NDUFAF7: variants seen among roughly 807,000 people sequenced by gnomAD.
NDUFAF7 encodes NADH:ubiquinone oxidoreductase complex assembly factor 7, also known as protein arginine methyltransferase NDUFAF7, mitochondrial.
A neutral mutation model predicts 47.2 loss-of-function variants in NDUFAF7; 48 were observed. The ratio of observed to expected loss-of-function variants is 1.02; its 90% CI spans 0.81 to 1.29. NDUFAF7 has a LOEUF of 1.29. Ranked by LOEUF, NDUFAF7 falls within the 50% of genes most tolerant of loss-of-function variation. The pLI is 0.00. For missense variants in NDUFAF7, 635 were observed against 537.6 expected (o/e 1.18, Z -1.79); for synonymous variants, 217 against 190.0 (o/e 1.14, Z -1.17).
chr2:37,262,623 AAC>A, the NDUFAF7 span, among the ~76,000 whole-genome samples: 1 of 152,204 alleles, frequency 6.6e-6, no homozygotes, highest in Non-Finnish European at 1.5e-5. Flanking sequence ...AACTTTTATC[AAC>A]AGAGGTTGAA....
At chr2:37,243,279 T>C (rs1017374809) in intron 6 of NDUFAF7, among the ~76,000 whole-genome samples, 2 of 152,116 alleles carry the variant, frequency 1.3e-5, no homozygotes, top group African/African-American at 4.8e-5. Flanking sequence ...GACAAAACCC[T>C]GTGTCTACTA....
At chr2:37,250,572 T>C (rs939713470), downstream of NDUFAF7, 3 of 152,172 alleles carry the variant, frequency 2.0e-5, no homozygotes, top group Admixed American at 1.3e-4. Flanking sequence ...TGTTTTTAAA[T>C]ATAGCATTAG....
At chr2:37,249,643 G>GACACACACACACAC (rs56208997), downstream of NDUFAF7, among the ~76,000 whole-genome samples, 5,298 of 132,478 alleles carry the variant, frequency 0.04, 161 homozygotes, top group East Asian at 0.078. Flanking sequence ...CTGTGATAGA[G>GACACACACACACAC]ACACACACAC....
chr2:37,259,523 T>C, the NDUFAF7 span: 1 of 1,336,886 alleles, frequency 7.5e-7, no homozygotes, highest in Non-Finnish European at 1.1e-6. Context: ...TGCCTTTTAT[T>C]ATGTGGGTGC....
At chr2:37,234,384 G>T (rs1354488073) in intron 2 of NDUFAF7, among the ~76,000 whole-genome samples, 4 of 152,038 alleles carry the variant, frequency 2.6e-5, no homozygotes, top group African/African-American at 7.3e-5. Flanking sequence ...GAGCCACTGT[G>T]CGCGGCCTAA....
chr2:37,232,019 C>A, intron 1 of NDUFAF7, 87 bp from the exon 2 acceptor site: 1 of 1,608,980 alleles, frequency 6.2e-7, no homozygotes, highest in Admixed American at 1.7e-5. Context: ...TAAGGGTTCA[C>A]GAAGCTGTTT....
At chr2:37,235,232 G>C (rs748042029) in intron 2 of NDUFAF7, among the ~76,000 whole-genome samples, 15 of 152,096 alleles carry the variant, frequency 9.9e-5, no homozygotes, top group Non-Finnish European at 1.8e-4. Flanking sequence ...GCAGTGGCAT[G>C]GATGTCTGGA....
In NDUFAF7 at chr2:37,248,583, T is replaced by C; in HGVS notation, c.*233T>C. ...ATTGTGAAACTGAGTTTCCTTTAAC[T>C]TACAAAGCTAGTTGCCATATTTCTA... On this transcript the variant is annotated 3_prime_UTR_variant, in exon 10 of 10. Coordinates refer to ENST00000002125, the MANE Select transcript of NDUFAF7 (RefSeq NM_144736.5). The C allele has an allele frequency of 2.2e-5, 12 of 539,514 alleles. No individual in the cohort carries two copies. In the South Asian group the frequency reaches 2.5e-4, roughly 11 times the overall value. 33.4% of individuals were successfully genotyped at this position (539,514 alleles called of 1,614,324 possible).
intron 7 of NDUFAF7, among the ~76,000 whole-genome samples, chr2:37,245,186 TA>T (rs1332450457): frequency 6.6e-6 from 1 of 152,230 alleles, no homozygotes; most frequent in Non-Finnish European, 1.5e-5. Context: ...TGTCTACCAG[TA>T]AGCATAGGAA....
chr2:37,256,177 T>C (rs994958248), downstream of NDUFAF7, among the ~76,000 whole-genome samples: 1 of 152,060 alleles, frequency 6.6e-6, no homozygotes, highest in African/African-American at 2.4e-5. Context: ...CCCAAGCAAA[T>C]TGCAGAAAAC....
chr2:37,262,540 A>G, the NDUFAF7 span, among the ~76,000 whole-genome samples: 1 of 152,346 alleles, frequency 6.6e-6, no homozygotes, highest in East Asian at 1.9e-4. Context: ...TATAGTAGAT[A>G]AATGAAACTC....
rs867412624 is a variant in NDUFAF7, at chr2:37,236,097, GTTA to G, written c.223_225del (p.Tyr75del). On this transcript the variant is annotated inframe_deletion and splice_region_variant, in exon 3 of 10. Coordinates refer to ENST00000002125, the MANE Select transcript of NDUFAF7 (RefSeq NM_144736.5). ...TCTCTATTTTCTCTTTTTACTCAGG[GTTA>G]TTATGTGTACCGTGACATGCTAGGC... The G allele has an allele frequency of 3.1e-6, 5 of 1,611,328 alleles. No homozygotes were observed. Among genetic ancestry groups the G allele is most frequent in the Non-Finnish European group, 4.2e-6 (5 of 1,177,676 alleles).
chr2:37,254,375 A>G (rs572087598), downstream of NDUFAF7: 1 of 975,042 alleles, frequency 1.0e-6, no homozygotes, highest in Non-Finnish European at 1.6e-6. Flanking sequence ...AGTTCAACCC[A>G]TAGAAATACA....
At chr2:37,260,166 A>T in the NDUFAF7 span, 2 of 1,392,194 alleles carry the variant, frequency 1.4e-6, no homozygotes, top group Non-Finnish European at 2.0e-6. Context: ...TCTTGTCTTA[A>T]AAAAAAAAAA....
chr2:37,269,338 C>A, the NDUFAF7 span: 1 of 395,406 alleles, frequency 2.5e-6, no homozygotes, highest in South Asian at 2.8e-5. Context: ...ACCATCTCCC[C>A]CCCTGCCTCC....
intron 8 of NDUFAF7, 59 bp from the exon 9 acceptor site, chr2:37,247,396 AG>A: frequency 1.3e-6 from 2 of 1,559,062 alleles, no homozygotes. Flanking sequence ...TTAATATGAT[AG>A]CATTTCTTTA....
intron 7 of NDUFAF7, among the ~76,000 whole-genome samples, chr2:37,244,207 C>T (rs917329277): frequency 3.3e-5 from 5 of 152,068 alleles, no homozygotes; most frequent in Admixed American, 1.3e-4. Context: ...AGTAAGTAAC[C>T]GCTTACTCAG....
intron 4 of NDUFAF7, among the ~76,000 whole-genome samples, chr2:37,239,987 C>T (rs987050244): frequency 4.6e-5 from 7 of 152,172 alleles, no homozygotes; most frequent in East Asian, 1.9e-4. Flanking sequence ...TATCAGTCTA[C>T]GTACTATTTT....
the NDUFAF7 span, chr2:37,268,241 G>C: frequency 4.3e-4 from 195 of 456,718 alleles, 2 homozygotes; most frequent in Non-Finnish European, 6.3e-4. Flanking sequence ...TGGCACAATC[G>C]TAAGTCTACT....
Sources: allele counts gnomAD v4.1 joint callset (sites outside exome capture counted in the v4.1 genomes callset), GRCh38; gene constraint gnomAD v4.1.1; transcripts MANE v1.5; gene names NCBI Gene and HGNC (gene_info 2026-07-23, HGNC 2026-07-21).